Variants in PIKFYVE observed in about 807,000 individuals in gnomAD.
PIKFYVE encodes the protein 1-phosphatidylinositol 3-phosphate 5-kinase.
Under a neutral mutation model 257.9 loss-of-function variants are expected in PIKFYVE, and 122 were observed. The observed-to-expected ratio is 0.47, with a 90% CI of 0.41 to 0.55. The LOEUF (loss-of-function observed/expected upper bound fraction) is 0.55, where lower values mean the gene tolerates loss of function less well. PIKFYVE is among the 20% of genes least tolerant of loss of function. The pLI is 0.00. For missense variants in PIKFYVE, 2,160 were observed against 2,536.6 expected, an observed-to-expected ratio of 0.85 and a Z score of 3.19; for synonymous variants, 892 against 868.9, an observed-to-expected ratio of 1.03 and a Z score of -0.47.
In PIKFYVE at chr2:208,352,131, A is replaced by G. The variant is rs754231798; in HGVS notation, c.5716-523A>G. Among the ~76,000 whole-genome samples, 286 of 152,340 alleles carry G rather than the reference A, an allele frequency of 1.9e-3. 2 individuals carry two copies. The highest frequency in any genetic ancestry group is 2.7e-3 in the Non-Finnish European group (185 of 68,028). ...GTTTATATAAAAAATCACTTAAGACATTAAGACTGGATGAAATTAGGTGCA... is the reference window on the plus strand; with the variant it reads ...GTTTATATAAAAAATCACTTAAGACGTTAAGACTGGATGAAATTAGGTGCA... On this transcript the variant is annotated intron_variant, in intron 38 of 41. Transcript: ENST00000264380.
intron 14 of PIKFYVE, among the ~76,000 whole-genome samples, 185 bp from the exon 15 acceptor site, chr2:208,315,008 A>G (rs6736599): frequency 0.74 from 111,954 of 152,184 alleles, 43,760 homozygotes; most frequent in East Asian, 0.93. Context: ...AGATATTCAG[A>G]TTTCATTTAT....
intron 5 of PIKFYVE, 111 bp from the exon 6 acceptor site, chr2:208,285,615 G>A (rs966016103): frequency 1.0e-5 from 9 of 866,566 alleles, no homozygotes; most frequent in Admixed American, 7.4e-5. Context: ...AGACATTTCC[G>A]TTATTAGATG....
intron 12 of PIKFYVE, chr2:208,305,607 A>G: frequency 2.2e-6 from 1 of 450,182 alleles, no homozygotes; most frequent in Non-Finnish European, 2.9e-6. Flanking sequence ...CTGAAAAATA[A>G]TAGTGACCAT....
At chr2:208,349,251 G>T (rs1436536522) in intron 35 of PIKFYVE, among the ~76,000 whole-genome samples, 1 of 152,078 alleles carries the variant, frequency 6.6e-6, no homozygotes, top group African/African-American at 2.4e-5. Context: ...CTATTGGGCT[G>T]TAGCTGTTTA....
intron 32 of PIKFYVE, among the ~76,000 whole-genome samples, chr2:208,343,990 T>G (rs2125748536): frequency 6.6e-6 from 1 of 152,178 alleles, no homozygotes. Context: ...CTAATTTTTT[T>G]TGTATTTTAA....
rs149469043 is a variant in PIKFYVE, at chr2:208,333,565, A to G, written c.4142+72A>G. 7.4e-4 allele frequency: 1,094 copies of G among 1,480,470 alleles called. 21 individuals carry two copies. The East Asian group carries it at 0.024, about 33-fold the overall frequency. 91.7% of individuals were successfully genotyped at this position (1,480,470 alleles called of 1,614,324 possible). A position where few individuals can be genotyped will look rare whatever the true frequency, so the allele number is the denominator to read the frequency against. On this transcript the variant is annotated intron_variant, in intron 24 of 41. Coordinates refer to ENST00000264380, the MANE Select transcript of PIKFYVE (RefSeq NM_015040.4). ...CCTTAAGAATTTTTTTAACATTTTC[A>G]CCATTACTAGATTGAATTAATTTGT...
rs1698199707 is a variant in PIKFYVE, at chr2:208,336,966, A to G, written c.4611+38A>G. On this transcript the variant is annotated intron_variant, in intron 28 of 41. Transcript: ENST00000264380. ...GTCTTGTCTTTGGTCCTTAATCAAT[A>G]GAAATATAGTTAGTTTCATTTATAA... The G allele has an allele frequency of 2.1e-6, 3 of 1,445,456 alleles. No homozygotes were observed. In the African/African-American group the frequency reaches 4.2e-5, roughly 20 times the overall value. The allele number at this position is 1,445,456 out of a possible 1,614,324, so 89.5% of individuals were successfully genotyped here. A position where few individuals can be genotyped will look rare whatever the true frequency, so the allele number is the denominator to read the frequency against.
chr2:208,305,119 G>A, intron 12 of PIKFYVE, 106 bp downstream of exon 12: 1 of 1,564,122 alleles, frequency 6.4e-7, no homozygotes, highest in Non-Finnish European at 8.7e-7. Context: ...CGTGGCTGAG[G>A]GTATTTGGTG....
Position 208,336,131 on chromosome 2 carries a change from A to C in PIKFYVE, c.4451A>C (p.Gln1484Pro). 6 of 1,614,084 alleles carry C rather than the reference A, an allele frequency of 3.7e-6. No individual in the cohort carries two copies. The highest frequency in any genetic ancestry group is 3.4e-6 in the Non-Finnish European group (4 of 1,179,958). ...SSSVDTPQQLQSVFESLIAKK... is the reference protein window; with the variant it reads ...SSSVDTPQQLPSVFESLIAKK... ...TCTGTAGATACCCCTCAGCAACTGC[A>C]GTCGGTCTTTGAGTCACTCATTGCC... is the stretch of plus-strand genomic sequence containing the variant. The change falls in exon 27 of 42, where the codon CAG becomes CCG. Residue 1484 changes from glutamine (Q) to proline (P), a missense_variant. Gln to Pro is a moderately conservative substitution (Grantham distance 76). Around this residue, in one of 12 missense-constraint regions of PIKFYVE, gnomAD observed 699 missense variants for 855.8 expected, o/e 0.82. Coordinates refer to ENST00000264380, the MANE Select transcript of PIKFYVE (RefSeq NM_015040.4).
rs571709995 is a variant in PIKFYVE, at chr2:208,323,589, A to G, written c.2191-553A>G. ...TAAACATACTTGTGCATGTGTCTTT[A>G]TAGCAGCATGATTTATAATCCTTTG... On this transcript the variant is annotated intron_variant, in intron 17 of 41. Coordinates refer to ENST00000264380, the MANE Select transcript of PIKFYVE (RefSeq NM_015040.4). Among the ~76,000 whole-genome samples the G allele has an allele frequency of 3.0e-4, 46 of 152,244 alleles. 1 individual carries two copies. The South Asian group carries it at 9.3e-3, about 31-fold the overall frequency.
chr2:208,354,920 TC>T, intron 41 of PIKFYVE, among the ~76,000 whole-genome samples: 1 of 152,362 alleles, frequency 6.6e-6, no homozygotes, highest in East Asian at 1.9e-4. Flanking sequence ...ACTTGAGACT[TC>T]CAAGTTCTCT....
chr2:208,310,735 G>GA (rs1694848612), intron 12 of PIKFYVE, among the ~76,000 whole-genome samples: 1 of 151,796 alleles, frequency 6.6e-6, no homozygotes, highest in Admixed American at 6.6e-5. Context: ...GTTATGAAAA[G>GA]AAAAAAAGAC....
Position 208,324,202 on chromosome 2 carries a change from C to T in PIKFYVE, c.2251C>T (p.Leu751Phe), listed in dbSNP as rs1574633219. Reference sequence around the variant, plus strand: ...AGTTGATGTTCGACCCACCTTGGTTCTTGTTGAGAAAACAGTGTCTCGGAT... The same window carrying T: ...AGTTGATGTTCGACCCACCTTGGTTTTTGTTGAGAAAACAGTGTCTCGGAT... ...RIVDVRPTLV[L>F]VEKTVSRIAQ... is the part of the protein sequence containing the mutation. Residue 751 changes from leucine to phenylalanine, a missense_variant, in exon 18 of 42, where the codon CTT becomes TTT. Leu to Phe is a conservative substitution (Grantham distance 22, BLOSUM62 0). Around this residue, in one of 12 missense-constraint regions of PIKFYVE, gnomAD observed 346 missense variants for 365.6 expected, o/e 0.95. Transcript: ENST00000264380. 6.2e-6 allele frequency: 10 copies of T among 1,613,684 alleles called. No homozygotes were observed. In the East Asian group the frequency reaches 2.2e-4, roughly 36 times the overall value.
chr2:208,342,920 GAGTAGCTGGGAC>G (rs1698852132), intron 32 of PIKFYVE, among the ~76,000 whole-genome samples: 1 of 149,834 alleles, frequency 6.7e-6, no homozygotes, highest in Non-Finnish European at 1.5e-5. Context: ...TCAGCCTCCC[GAGTAGCTGGGAC>G]TACAGACACA....
chr2:208,292,372 A>G (rs953149437), intron 7 of PIKFYVE, among the ~76,000 whole-genome samples: 1 of 152,106 alleles, frequency 6.6e-6, no homozygotes, highest in African/African-American at 2.4e-5. Context: ...TGCTGGATGT[A>G]TCCATCTCTG....
chr2:208,339,700 G>A (rs924365573), intron 30 of PIKFYVE, 145 bp downstream of exon 30: 1 of 1,175,456 alleles, frequency 8.5e-7, no homozygotes, highest in Non-Finnish European at 1.2e-6. Flanking sequence ...TGTTTAGGTG[G>A]TAACTACTTA....
chr2:208,301,712 T>C (rs554772088), intron 9 of PIKFYVE, among the ~76,000 whole-genome samples: 1 of 152,332 alleles, frequency 6.6e-6, no homozygotes, highest in South Asian at 2.1e-4. Flanking sequence ...CTCTGAGACT[T>C]CTTCACCATG....
Position 208,342,622 on chromosome 2 carries a change from C to T in PIKFYVE, c.5000C>T (p.Pro1667Leu). 1 of 1,612,982 alleles carries T rather than the reference C, an allele frequency of 6.2e-7. No individual in the cohort carries two copies. Among genetic ancestry groups the T allele is most frequent in the Non-Finnish European group, 8.5e-7 (1 of 1,179,042 alleles). The change falls in exon 32 of 42, where the codon CCC becomes CTC. Residue 1667 changes from proline (P) to leucine (L), a missense_variant. Pro to Leu is a moderately conservative substitution (Grantham distance 98, BLOSUM62 -3). Transcript: ENST00000264380. The stretch of plus-strand genomic sequence containing the variant: ...CCCATTGCAGTCTGCGAGAAGGAAC[C>T]CAGCTCCATCATTGCTTTTGCTCTC... ...RVPIAVCEKE[P>L]SSIIAFALSC...
In PIKFYVE at chr2:208,354,245, G is replaced by T. The variant is rs2125836101; in HGVS notation, c.6106+86G>T. On this transcript the variant is annotated intron_variant, in intron 40 of 41. Coordinates refer to ENST00000264380, the MANE Select transcript of PIKFYVE (RefSeq NM_015040.4). The stretch of plus-strand genomic sequence containing the variant: ...TTCTATTGAACCTGGTCTAATAATA[G>T]CTTATTGAATATTTTCACAAACTTT... The T allele has an allele frequency of 3.5e-6, 5 of 1,441,346 alleles. No individual in the cohort carries two copies. The East Asian group carries it at 1.1e-4, about 33-fold the overall frequency. The allele number at this position is 1,441,346 out of a possible 1,614,324, so 89.3% of individuals were successfully genotyped here.
Sources: gnomAD v4.1 joint callset for allele counts (sites outside exome capture counted in the v4.1 genomes callset) on GRCh38, gnomAD v4.1.1 for gene constraint, gnomAD v4.1.1 regional missense constraint, MANE v1.5 for transcripts, NCBI Gene and HGNC (gene_info 2026-07-23, HGNC 2026-07-21) for gene names.